The following PTPN23 variants were observed in gnomAD, a reference collection of about 807,000 sequenced individuals.
PTPN23 encodes the protein protein tyrosine phosphatase non-receptor type 23.
PTPN23 carries 72 observed loss-of-function variants against 156.3 expected under a neutral mutation model. That is an observed-to-expected ratio of 0.46 (90% CI 0.38 to 0.56). The LOEUF (loss-of-function observed/expected upper bound fraction) is 0.56. Ranked by LOEUF, PTPN23 falls within the 20% of genes least tolerant of loss-of-function variation. The probability of loss-of-function intolerance (pLI) is 0.00; values close to 1 mark genes in which losing one functional copy is unlikely to be tolerated. For missense variants in PTPN23, 1,974 were observed against 2,171.5 expected, an observed-to-expected ratio of 0.91 and a Z score of 1.81; for synonymous variants, 957 against 899.6, an observed-to-expected ratio of 1.06 and a Z score of -1.14.
In PTPN23 at chr3:47,396,299, C is replaced by T. The variant is rs1453894348; in HGVS notation, c.159+82C>T. ...AGATAAAGAAACTGCCTAGGCTGGG[C>T]ATGGTGGCTCAACGCCTATAATCCC... On this transcript the variant is annotated intron_variant, in intron 2 of 24. Coordinates refer to ENST00000265562, the MANE Select transcript of PTPN23 (RefSeq NM_015466.4). The T allele has an allele frequency of 5.1e-6, 6 of 1,175,772 alleles. No individual in the cohort carries two copies. The East Asian group carries it at 1.0e-4, about 20-fold the overall frequency. 72.8% of individuals were successfully genotyped at this position (1,175,772 alleles called of 1,614,324 possible). A position where few individuals can be genotyped will look rare whatever the true frequency, so the allele number is the denominator to read the frequency against.
rs1705207635 is a variant in PTPN23, at chr3:47,409,297, A to G, written c.1777A>G (p.Thr593Ala). The G allele has an allele frequency of 6.2e-7, 1 of 1,613,956 alleles. No individual in the cohort carries two copies. Among genetic ancestry groups the G allele is most frequent in the South Asian group, 1.1e-5 (1 of 91,088 alleles). ...TGACATCACTGCCTCGCTGGTCACC[A>G]CAGACCACTCAGAGATGAAGGTGGG... ...KDDITASLVT[T>A]DHSEMKKLFE... Residue 593 changes from threonine to alanine, a missense_variant, in exon 17 of 25, where the codon ACA becomes GCA. Around this residue, in one of 4 missense-constraint regions of PTPN23, gnomAD observed 726 missense variants for 929.5 expected, o/e 0.78. Coordinates refer to ENST00000265562, the MANE Select transcript of PTPN23 (RefSeq NM_015466.4).
intron 1 of PTPN23, among the ~76,000 whole-genome samples, chr3:47,391,549 A>T (rs1038936355): frequency 2.0e-5 from 3 of 152,198 alleles, no homozygotes; most frequent in African/African-American, 7.2e-5. Flanking sequence ...TCTGCTGCTG[A>T]TCTTATAGGA....
intron 1 of PTPN23, among the ~76,000 whole-genome samples, chr3:47,390,285 T>C (rs1366993036): frequency 2.0e-5 from 3 of 152,198 alleles, no homozygotes. Context: ...TCAGGGGCAC[T>C]GTTTCCCACT....
intron 1 of PTPN23, among the ~76,000 whole-genome samples, chr3:47,382,910 G>A (rs776978110): frequency 6.6e-6 from 1 of 150,406 alleles, no homozygotes; most frequent in Non-Finnish European, 1.5e-5. Context: ...GGATAGTCTC[G>A]ATCTCCCGAC....
In PTPN23 at chr3:47,402,276, T is replaced by TTTA. The variant is rs1013391683; in HGVS notation, c.160-2358_160-2356dup. Among the ~76,000 whole-genome samples the TTTA allele has an allele frequency of 2.7e-3, 409 of 151,850 alleles. 1 individual carries two copies. Among genetic ancestry groups the TTTA allele is most frequent in the African/African-American group, 8.4e-3 (350 of 41,442 alleles). On this transcript the variant is annotated intron_variant, in intron 2 of 24. Transcript: ENST00000265562. ...AGATGTATACATATTTATCTATTTATTTATTATTATTATTATTATTTGAGA... is the reference window on the plus strand; with the variant it reads ...AGATGTATACATATTTATCTATTTATTTATTATTATTATTATTATTATTTGAGA...
At chr3:47,404,928 G>T in intron 3 of PTPN23, 77 bp from the exon 4 acceptor site, 1 of 1,595,842 alleles carries the variant, frequency 6.3e-7, no homozygotes, top group Non-Finnish European at 8.6e-7. Context: ...CCACAATGGG[G>T]TGTTTAGTCC....
intron 1 of PTPN23, among the ~76,000 whole-genome samples, chr3:47,385,303 C>T (rs755823297): frequency 3.9e-5 from 6 of 152,150 alleles, no homozygotes; most frequent in Admixed American, 2.0e-4. Context: ...TGAGCTGTTA[C>T]GTTCATCCCT....
chr3:47,383,582 T>C (rs558950608), intron 1 of PTPN23, among the ~76,000 whole-genome samples: 1 of 152,328 alleles, frequency 6.6e-6, no homozygotes, highest in South Asian at 2.1e-4. Flanking sequence ...TCTCAAATGA[T>C]TGAATTACAG....
rs11438597 is a variant in PTPN23, at chr3:47,382,323, CT to C, written c.84+1158del. ...TTCATCTGCTGTTTCTTTTTCCTAC[CT>C]TTTTTTTTTTTTTTGAGACGGAGTT... On this transcript the variant is annotated intron_variant, in intron 1 of 24. Coordinates refer to ENST00000265562, the MANE Select transcript of PTPN23 (RefSeq NM_015466.4). Among the ~76,000 whole-genome samples the C allele has an allele frequency of 4.7e-3, 668 of 140,996 alleles. 1 individual carries two copies. The highest frequency in any genetic ancestry group is 6.7e-3 in the Non-Finnish European group (433 of 64,446). 92.5% of individuals were successfully genotyped at this position (140,996 alleles called of 152,430 possible). A position where few individuals can be genotyped will look rare whatever the true frequency, so the allele number is the denominator to read the frequency against.
chr3:47,413,262 TCAGTGGGCA>T lies in PTPN23; in HGVS notation c.*82_*90del. ...ACCTGCCCACACCCAGCAGAGCTTC[TCAGTGGGCA>T]CAGTCTCTTACTCCCATTTCTGCTG... On this transcript the variant is annotated 3_prime_UTR_variant, in exon 25 of 25. Transcript: ENST00000265562. 1 of 1,522,758 alleles carries T rather than the reference TCAGTGGGCA, an allele frequency of 6.6e-7. No individual in the cohort carries two copies. The highest frequency in any genetic ancestry group is 8.9e-7 in the Non-Finnish European group (1 of 1,124,954). 94.3% of individuals were successfully genotyped at this position (1,522,758 alleles called of 1,614,324 possible).
chr3:47,388,912 G>T (rs184083721), intron 1 of PTPN23, among the ~76,000 whole-genome samples: 2 of 152,012 alleles, frequency 1.3e-5, no homozygotes, highest in East Asian at 1.9e-4. Flanking sequence ...TGATCCACCC[G>T]CCTTGGCCTC....
Position 47,403,137 on chromosome 3 carries a change from G to GC in PTPN23, c.160-1509dup, listed in dbSNP as rs1046041234. On this transcript the variant is annotated intron_variant, in intron 2 of 24. Transcript: ENST00000265562. ...GCGATTTCGGCTCACTGCAGGCTCC[G>GC]CCCCCCGGGGGTTCACGCCATTCTC... Among the ~76,000 whole-genome samples, 43 of 150,670 alleles carry GC rather than the reference G, an allele frequency of 2.9e-4. 1 individual carries two copies. Among genetic ancestry groups the GC allele is most frequent in the Admixed American group, 1.5e-3 (22 of 15,108 alleles).
Position 47,411,006 on chromosome 3 carries a change from C to A in PTPN23, c.3208C>A (p.Arg1070=), listed in dbSNP as rs767454205. The change falls in exon 20 of 25, where the codon CGA becomes AGA. Residue 1070 remains arginine (R), a synonymous_variant. Transcript: ENST00000265562. This position sits in a 1 kb window ranked among gnomAD's most constrained non-coding sequence, Gnocchi z 6.3. ...MGPQAAPLTI[R]GPSSAGQSTP... is the part of the protein sequence containing the mutation. Reference sequence around the variant, plus strand: ...CCCCCAGGCAGCCCCTCTTACCATTCGAGGGCCCTCGTCTGCTGGCCAGTC... The same window carrying A: ...CCCCCAGGCAGCCCCTCTTACCATTAGAGGGCCCTCGTCTGCTGGCCAGTC... 1.3e-6 allele frequency: 2 copies of A among 1,598,614 alleles called. No individual in the cohort carries two copies. The highest frequency in any genetic ancestry group is 8.5e-7 in the Non-Finnish European group (1 of 1,172,722).
intron 1 of PTPN23, among the ~76,000 whole-genome samples, chr3:47,384,493 G>A (rs956209698): frequency 2.7e-5 from 4 of 150,166 alleles, no homozygotes; most frequent in Non-Finnish European, 5.9e-5. Flanking sequence ...AGTATTTGCA[G>A]TGTATAGAAA....
At position 47,407,205 on chromosome 3, in the gene PTPN23, T is replaced by G; in HGVS notation, c.864+19T>G. Reference sequence around the variant, plus strand: ...GGCCAAGGTAAAGCTGAGGAAGGCCTGGCTGCCCTGAGGGTATAGGAGCAA... The same window carrying G: ...GGCCAAGGTAAAGCTGAGGAAGGCCGGGCTGCCCTGAGGGTATAGGAGCAA... On this transcript the variant is annotated intron_variant, in intron 10 of 24. Coordinates refer to ENST00000265562, the MANE Select transcript of PTPN23 (RefSeq NM_015466.4). The surrounding 1 kb of genome is among the most constrained non-coding windows in gnomAD (Gnocchi z 4.0). 1 of 1,614,034 alleles carries G rather than the reference T, an allele frequency of 6.2e-7. No homozygotes were observed. Among genetic ancestry groups the G allele is most frequent in the Non-Finnish European group, 8.5e-7 (1 of 1,179,968 alleles).
At chr3:47,396,253 G>T in intron 2 of PTPN23, 36 bp downstream of exon 2, 1 of 1,555,394 alleles carries the variant, frequency 6.4e-7, no homozygotes, top group Non-Finnish European at 8.8e-7. Context: ...TGCATGGGTA[G>T]ACAGGATTGG....
At position 47,407,426 on chromosome 3, in the gene PTPN23, T is replaced by C. The variant is rs1705154404; in HGVS notation, c.923+59T>C. 1 of 1,609,794 alleles carries C rather than the reference T, an allele frequency of 6.2e-7. No individual in the cohort carries two copies. Among genetic ancestry groups the C allele is most frequent in the South Asian group, 1.1e-5 (1 of 90,896 alleles). ...TTTGTGAAGGGTCTTGTCCCTCTGC[T>C]GGCATCTACATGGGAAGTAGGTTCT... On this transcript the variant is annotated intron_variant, in intron 11 of 24. Transcript: ENST00000265562. This position sits in a 1 kb window ranked among gnomAD's most constrained non-coding sequence, Gnocchi z 4.0.
At chr3:47,392,086 A>C (rs1186237793) in intron 1 of PTPN23, among the ~76,000 whole-genome samples, 1 of 152,080 alleles carries the variant, frequency 6.6e-6, no homozygotes, top group Non-Finnish European at 1.5e-5. Flanking sequence ...GGGTTTTGCC[A>C]TGTTGCCCAG....
Position 47,406,276 on chromosome 3 carries a change from G to C in PTPN23, c.547-49G>C, listed in dbSNP as rs553925287. 1 of 1,600,846 alleles carries C rather than the reference G, an allele frequency of 6.2e-7. No individual in the cohort carries two copies. The highest frequency in any genetic ancestry group is 2.2e-5 in the East Asian group (1 of 44,688). ...TGGGGAAGGATAAAGGGAAGGGGAAGCGGGAGGCCTTGGGTGAGCGAGGGA... is the reference window on the plus strand; with the variant it reads ...TGGGGAAGGATAAAGGGAAGGGGAACCGGGAGGCCTTGGGTGAGCGAGGGA... On this transcript the variant is annotated intron_variant, in intron 6 of 24. Transcript: ENST00000265562. This position sits in a 1 kb window ranked among gnomAD's most constrained non-coding sequence, Gnocchi z 5.8.
Sources: allele counts gnomAD v4.1 joint callset (sites outside exome capture counted in the v4.1 genomes callset), GRCh38; gene constraint gnomAD v4.1.1; regional missense constraint gnomAD v4.1.1; non-coding constraint Gnocchi (gnomAD v3.1); transcripts MANE v1.5; gene names NCBI Gene and HGNC (gene_info 2026-07-23, HGNC 2026-07-21).